Variants in PFDN6 observed in about 807,000 individuals in gnomAD.
The protein encoded by PFDN6 is prefoldin subunit 6.
PFDN6 carries 5 observed loss-of-function variants against 19.3 expected under a neutral mutation model. The ratio of observed to expected loss-of-function variants is 0.26; its 90% CI spans 0.14 to 0.55. The LOEUF (loss-of-function observed/expected upper bound fraction) is 0.55, where lower values mean the gene tolerates loss of function less well. Ranked by LOEUF, PFDN6 falls within the 20% of genes least tolerant of loss-of-function variation. The probability of loss-of-function intolerance (pLI) is 0.94; values close to 1 mark genes in which losing one functional copy is unlikely to be tolerated. For missense variants in PFDN6, 101 were observed against 149.4 expected, an observed-to-expected ratio of 0.68 and a Z score of 1.69; for synonymous variants, 51 against 63.4, an observed-to-expected ratio of 0.80 and a Z score of 0.93.
intron 1 of PFDN6, 28 bp downstream of exon 1, chr6:33,289,948 GC>G: frequency 6.3e-7 from 1 of 1,574,846 alleles, no homozygotes; most frequent in Non-Finnish European, 8.7e-7. Context: ...GTATGGTCTC[GC>G]CCAATGCACT....
At position 33,289,633 on chromosome 6, in the gene PFDN6, G is replaced by A; in HGVS notation, c.-224G>A. On this transcript the variant is annotated 5_prime_UTR_variant, in exon 1 of 4. Transcript: ENST00000374606. ...CTGAAGGAAGAACGTGAGTAGGTTA[G>A]GATTTCGGTTGAGAGGCTTGGGGTC... 1.7e-6 allele frequency: 1 copy of A among 575,300 alleles called. No homozygotes were observed. The highest frequency in any genetic ancestry group is 3.3e-5 in the East Asian group (1 of 30,718). The allele number at this position is 575,300 out of a possible 1,614,324, so 35.6% of individuals were successfully genotyped here. A position where few individuals can be genotyped will look rare whatever the true frequency, so the allele number is the denominator to read the frequency against.
In PFDN6 at chr6:33,289,814, C is replaced by T. The variant is rs760596694; in HGVS notation, c.-43C>T. ...CTCAGGTACCTTCCAGAGAGTGAGACCCAGCGCCCTTGTCTCGCACCCAGT... is the reference window on the plus strand; with the variant it reads ...CTCAGGTACCTTCCAGAGAGTGAGATCCAGCGCCCTTGTCTCGCACCCAGT... On this transcript the variant is annotated 5_prime_UTR_variant, in exon 1 of 4. Coordinates refer to ENST00000374606, the MANE Select transcript of PFDN6 (RefSeq NM_001185181.3). 6 of 1,512,276 alleles carry T rather than the reference C, an allele frequency of 4.0e-6. No homozygotes were observed. The highest frequency in any genetic ancestry group is 1.3e-5 in the South Asian group (1 of 79,922). The allele number at this position is 1,512,276 out of a possible 1,614,324, so 93.7% of individuals were successfully genotyped here. A position where few individuals can be genotyped will look rare whatever the true frequency, so the allele number is the denominator to read the frequency against.
Position 33,289,659 on chromosome 6 carries a change from T to C in PFDN6, c.-198T>C, listed in dbSNP as rs539222451. 119 of 554,586 alleles carry C rather than the reference T, an allele frequency of 2.1e-4. No homozygotes were observed. The highest frequency in any genetic ancestry group is 3.2e-4 in the Non-Finnish European group (108 of 341,300). 34.4% of individuals were successfully genotyped at this position (554,586 alleles called of 1,614,324 possible). On this transcript the variant is annotated 5_prime_UTR_variant, in exon 1 of 4. Transcript: ENST00000374606. ...GATTTCGGTTGAGAGGCTTGGGGTC[T>C]TGCGTTTCGCCCACCATCTCCTGGG...
At chr6:33,289,944 T>C (rs2150919592) in intron 1 of PFDN6, 24 bp downstream of exon 1, 1 of 1,581,416 alleles carries the variant, frequency 6.3e-7, no homozygotes, top group Non-Finnish European at 8.6e-7. Flanking sequence ...GTCGGTATGG[T>C]CTCGCCCAAT....
At position 33,290,781 on chromosome 6, in the gene PFDN6, C is replaced by T. The variant is rs768204286; in HGVS notation, c.326C>T (p.Ala109Val). The change falls in exon 4 of 4, where the codon GCT becomes GTT. Residue 109 changes from alanine (A) to valine (V), a missense_variant. Ala to Val is a moderately conservative substitution (Grantham distance 64). Coordinates refer to ENST00000374606, the MANE Select transcript of PFDN6 (RefSeq NM_001185181.3). The stretch of plus-strand genomic sequence containing the variant: ...TCAGAGCAACAGAGGGAGACCCTTG[C>T]TCAGCTGCAGCAGGAGTTCCAGCGG... The part of the protein sequence containing the change: ...RQSEQQRETL[A>V]QLQQEFQRAQ... 1.2e-6 allele frequency: 2 copies of T among 1,609,420 alleles called. No homozygotes were observed. The highest frequency in any genetic ancestry group is 4.5e-5 in the East Asian group (2 of 44,878).
chr6:33,290,663 A>G, intron 3 of PFDN6, 53 bp from the exon 4 acceptor site: 1 of 1,594,686 alleles, frequency 6.3e-7, no homozygotes, highest in Non-Finnish European at 8.6e-7. Context: ...CACTCTCCAT[A>G]GTGAGTCCTA....
chr6:33,290,765 C>G lies in PFDN6; in HGVS notation c.310C>G (p.Gln104Glu). 5 of 1,611,356 alleles carry G rather than the reference C, an allele frequency of 3.1e-6. No individual in the cohort carries two copies. Among genetic ancestry groups the G allele is most frequent in the Non-Finnish European group, 3.4e-6 (4 of 1,179,960 alleles). ...LRDLERQSEQ[Q>E]RETLAQLQQE... ...GGATCTTGAGCGGCAGTCAGAGCAACAGAGGGAGACCCTTGCTCAGCTGCA... is the reference window on the plus strand; with the variant it reads ...GGATCTTGAGCGGCAGTCAGAGCAAGAGAGGGAGACCCTTGCTCAGCTGCA... Residue 104 changes from glutamine to glutamate, a missense_variant, in exon 4 of 4, where the codon CAG becomes GAG. Physicochemically the swap from Gln to Glu is conservative, Grantham distance 29 (BLOSUM62 2). This residue lies in a region of PFDN6 where 47 missense variants were observed against 40.6 expected (regional missense o/e 1.16). Coordinates refer to ENST00000374606, the MANE Select transcript of PFDN6 (RefSeq NM_001185181.3).
chr6:33,289,931 A>G lies in PFDN6; in HGVS notation c.64+11A>G. On this transcript the variant is annotated intron_variant, in intron 1 of 3. Transcript: ENST00000374606. ...AACAGCTACAGAAGGGTAAGGGAAC[A>G]GGGTCGGTATGGTCTCGCCCAATGC... 6.2e-7 allele frequency: 1 copy of G among 1,602,206 alleles called. No individual in the cohort carries two copies.
upstream of PFDN6, chr6:33,289,213 G>A (rs1581695065): frequency 6.3e-7 from 1 of 1,586,074 alleles, no homozygotes; most frequent in Non-Finnish European, 8.6e-7. Flanking sequence ...ACTCCTCTCA[G>A]CTGCCACACA....
Position 33,290,312 on chromosome 6 carries a change from C to T in PFDN6, c.136-14C>T, listed in dbSNP as rs1767219919. On this transcript the variant is annotated splice_polypyrimidine_tract_variant and intron_variant, in intron 2 of 3. Transcript: ENST00000374606. ...GCCATGGTTCTGATCACATATGTCC[C>T]ATCCCTCCATCAGGAACTGGCCCTG... The T allele has an allele frequency of 3.7e-6, 6 of 1,610,660 alleles. No homozygotes were observed. The highest frequency in any genetic ancestry group is 5.1e-6 in the Non-Finnish European group (6 of 1,177,426).
upstream of PFDN6, chr6:33,289,237 C>G (rs533348396): frequency 1.2e-5 from 18 of 1,563,864 alleles, no homozygotes; most frequent in African/African-American, 2.7e-5. Context: ...GGCTTGAAAA[C>G]TCCCGGAAGC....
rs1172280749 is a variant in PFDN6, at chr6:33,289,764, C to T, written c.-93C>T. 6 of 1,061,800 alleles carry T rather than the reference C, an allele frequency of 5.7e-6. No individual in the cohort carries two copies. The highest frequency in any genetic ancestry group is 5.5e-6 in the Non-Finnish European group (4 of 732,600). 65.8% of individuals were successfully genotyped at this position (1,061,800 alleles called of 1,614,324 possible). A position where few individuals can be genotyped will look rare whatever the true frequency, so the allele number is the denominator to read the frequency against. Reference sequence around the variant, plus strand: ...CTACCTCTCAAGAGTGCTATCATTTCCGCAGGCCAGATCAGAAAAGGGAGC... The same window carrying T: ...CTACCTCTCAAGAGTGCTATCATTTTCGCAGGCCAGATCAGAAAAGGGAGC... On this transcript the variant is annotated 5_prime_UTR_variant, in exon 1 of 4. Coordinates refer to ENST00000374606, the MANE Select transcript of PFDN6 (RefSeq NM_001185181.3).
Position 33,290,349 on chromosome 6 carries a change from C to T in PFDN6, c.159C>T (p.Ser53=). Residue 53 remains serine, a synonymous_variant, in exon 3 of 4, where the codon TCC becomes TCT. Transcript: ENST00000374606. ...VKEELALLDG[S]NVVFKLLGPV... ...AGGAACTGGCCCTGCTGGATGGGTC[C>T]AACGTGGTCTTTAAACTTCTGGGTC... 3 of 1,610,100 alleles carry T rather than the reference C, an allele frequency of 1.9e-6. No individual in the cohort carries two copies. The highest frequency in any genetic ancestry group is 2.5e-6 in the Non-Finnish European group (3 of 1,177,410).
upstream of PFDN6, chr6:33,289,408 G>C: frequency 7.6e-7 from 1 of 1,310,846 alleles, no homozygotes; most frequent in Non-Finnish European, 9.7e-7. Context: ...GGCAGGTCCG[G>C]AGCCAGGGGC....
At chr6:33,289,560 G>C, upstream of PFDN6, 6 of 804,160 alleles carry the variant, frequency 7.5e-6, no homozygotes, top group Non-Finnish European at 1.0e-5. Context: ...GAAACTTCCG[G>C]CACAGTCTTT....
chr6:33,289,385 T>C (rs3130258), upstream of PFDN6: 1,171,298 of 1,309,262 alleles, frequency 0.89, 525,159 homozygotes, highest in East Asian at 1. Context: ...GCAAGAGTGA[T>C]TTAAAAAAGA....
At chr6:33,290,031 C>G (rs1263678263) in intron 1 of PFDN6, 111 bp downstream of exon 1, 16 of 1,284,770 alleles carry the variant, frequency 1.2e-5, no homozygotes, top group Non-Finnish European at 1.7e-5. Flanking sequence ...GACTTCCCCG[C>G]CTCAGTCTCA....
chr6:33,289,201 A>T (rs370104675), upstream of PFDN6: 4 of 1,601,054 alleles, frequency 2.5e-6, no homozygotes, highest in Non-Finnish European at 3.4e-6. Context: ...TCCACGTGCA[A>T]AACTCCTCTC....
At chr6:33,289,597 G>T (rs998977077), upstream of PFDN6, 9 of 647,670 alleles carry the variant, frequency 1.4e-5, no homozygotes, top group Non-Finnish European at 2.1e-5. Flanking sequence ...TTACTTCCGG[G>T]TTTATTACTA....
Sources: gnomAD v4.1 joint callset for allele counts on GRCh38, gnomAD v4.1.1 for gene constraint, gnomAD v4.1.1 regional missense constraint, MANE v1.5 for transcripts, NCBI Gene and HGNC (gene_info 2026-07-23, HGNC 2026-07-21) for gene names.